NTN1: variants seen among roughly 807,000 people sequenced by gnomAD.
NTN1 encodes netrin 1.
In NTN1, 11 loss-of-function variants were observed where a neutral mutation model predicts 54.2. The observed-to-expected ratio is 0.20, with a 90% confidence interval of 0.13 to 0.34. The LOEUF is 0.34. Ranked by LOEUF, NTN1 falls within the 10% of genes least tolerant of loss-of-function variation. The pLI is 1.00. For synonymous variants in NTN1, 371 were observed against 382.0 expected (o/e 0.97, Z 0.33); for missense variants, 740 against 893.1 (o/e 0.83, Z 2.18).
At chr17:9,075,200 G>A (rs1037642215) in intron 2 of NTN1, among the ~76,000 whole-genome samples, 2 of 152,226 alleles carry the variant, frequency 1.3e-5, no homozygotes, top group African/African-American at 4.8e-5. Context: ...ATGGGGTTCA[G>A]CTGGGCACGG....
At chr17:9,143,102 G>A (rs529292612) in intron 2 of NTN1, among the ~76,000 whole-genome samples, 23 of 152,312 alleles carry the variant, frequency 1.5e-4, no homozygotes, top group Middle Eastern at 6.8e-3. Flanking sequence ...TGGGGAGACT[G>A]GTGGTCATGG....
At chr17:9,021,209 T>G (rs1022149501), upstream of NTN1, among the ~76,000 whole-genome samples, 1 of 149,082 alleles carries the variant, frequency 6.7e-6, no homozygotes, top group Non-Finnish European at 1.5e-5. Flanking sequence ...CGGGCGAGGC[T>G]GACAGTCCCC....
chr17:9,039,663 T>C (rs572480906), intron 2 of NTN1, among the ~76,000 whole-genome samples: 2 of 152,328 alleles, frequency 1.3e-5, no homozygotes, highest in South Asian at 4.1e-4. Context: ...TAATCCCTCC[T>C]GCCCCTTTCC....
chr17:9,106,734 C>A (rs1471489143), intron 2 of NTN1, among the ~76,000 whole-genome samples: 1 of 152,048 alleles, frequency 6.6e-6, no homozygotes, highest in Non-Finnish European at 1.5e-5. Context: ...AGGCTGGTCT[C>A]GAACTCCTGA....
At chr17:9,218,735 C>T (rs1455624290) in intron 5 of NTN1, among the ~76,000 whole-genome samples, 2 of 152,164 alleles carry the variant, frequency 1.3e-5, no homozygotes, top group African/African-American at 4.8e-5. Flanking sequence ...GTCCCTCCCT[C>T]AAAGCATCAG....
intron 2 of NTN1, among the ~76,000 whole-genome samples, chr17:9,025,304 T>G (rs2091866305): frequency 6.6e-6 from 1 of 152,240 alleles, no homozygotes; most frequent in South Asian, 2.1e-4. Flanking sequence ...CTCTATAGTT[T>G]GGGATTTTGT....
intron 2 of NTN1, among the ~76,000 whole-genome samples, chr17:9,025,589 A>G (rs936002173): frequency 2.0e-5 from 3 of 152,214 alleles, no homozygotes; most frequent in Non-Finnish European, 4.4e-5. Context: ...CAATTCAACT[A>G]TGTTAAAGTT....
chr17:9,067,326 T>G (rs1349924929), intron 2 of NTN1, among the ~76,000 whole-genome samples: 3 of 151,918 alleles, frequency 2.0e-5, no homozygotes, highest in African/African-American at 7.3e-5. Context: ...CTCCTAAGGC[T>G]ATTAAATACA....
chr17:9,159,568 G>A (rs1433805073), intron 2 of NTN1, among the ~76,000 whole-genome samples: 1 of 152,098 alleles, frequency 6.6e-6, no homozygotes. Context: ...TTGGGAGACC[G>A]AGGTGGGTGG....
At chr17:9,161,974 G>A (rs1223875104) in intron 2 of NTN1, among the ~76,000 whole-genome samples, 1 of 110,156 alleles carries the variant, frequency 9.1e-6, no homozygotes, top group Non-Finnish European at 2.1e-5. Context: ...TGGGAGCACA[G>A]AGATGATGAG....
At chr17:9,100,672 G>C (rs934940554) in intron 2 of NTN1, among the ~76,000 whole-genome samples, 26 of 152,172 alleles carry the variant, frequency 1.7e-4, no homozygotes, top group Non-Finnish European at 5.9e-5. Context: ...TCATCTTTTT[G>C]AGGATTGCTA....
At chr17:9,230,879 G>A (rs1021348773) in intron 6 of NTN1, among the ~76,000 whole-genome samples, 1 of 152,140 alleles carries the variant, frequency 6.6e-6, no homozygotes, top group East Asian at 1.9e-4. Flanking sequence ...AGGAAGGAGG[G>A]GTGGGGAGAG....
At chr17:9,106,480 CCTTCCTT>C (rs2092166925) in intron 2 of NTN1, among the ~76,000 whole-genome samples, 1 of 26,612 alleles carries the variant, frequency 3.8e-5, no homozygotes, top group Non-Finnish European at 6.9e-5. Context: ...TTCCTTCCTT[CCTTCCTT>C]CCTTCCTTCC....
At position 9,188,428 on chromosome 17, in the gene NTN1, C is replaced by CA. The variant is rs1406031857; in HGVS notation, c.1411+5474dup. ...GGGCAATAAGAGTAAAACTCCATCT[C>CA]AAAAAAAAAAAAAAAGAGTGCTAAA... On this transcript the variant is annotated intron_variant, in intron 5 of 6. Transcript: ENST00000173229. 5.2e-3 allele frequency among the ~76,000 whole-genome samples: 155 copies of CA among 29,772 alleles called. 5 individuals are homozygous for CA. Among genetic ancestry groups the CA allele is most frequent in the Middle Eastern group, 0.038 (2 of 52 alleles). The allele number at this position is 29,772 out of a possible 152,430, so 19.5% of individuals were successfully genotyped here. A position where few individuals can be genotyped will look rare whatever the true frequency, so the allele number is the denominator to read the frequency against.
intron 5 of NTN1, among the ~76,000 whole-genome samples, chr17:9,202,182 A>G (rs960872838): frequency 3.3e-5 from 5 of 151,378 alleles, no homozygotes; most frequent in Non-Finnish European, 5.9e-5. Flanking sequence ...CAGAGGTTGC[A>G]GTGATCTGAG....
the NTN1 span, among the ~76,000 whole-genome samples, chr17:9,007,170 T>G: frequency 6.6e-6 from 1 of 151,898 alleles, no homozygotes. Context: ...CTTTCTTTCC[T>G]TCCTTCTCTC....
At position 9,193,920 on chromosome 17, in the gene NTN1, T is replaced by TAAA. The variant is rs71361871; in HGVS notation, c.1411+10973_1411+10975dup. On this transcript the variant is annotated intron_variant, in intron 5 of 6. Transcript: ENST00000173229. ...TGGGCGACAAGAGTGAAACTCCGACTAAAAAAAAAAAAAAAAAAAAAAAAC... is the reference window on the plus strand; with the variant it reads ...TGGGCGACAAGAGTGAAACTCCGACTAAAAAAAAAAAAAAAAAAAAAAAAAAAC... 1.2e-3 allele frequency among the ~76,000 whole-genome samples: 52 copies of TAAA among 44,896 alleles called. 4 individuals are homozygous for TAAA. Among genetic ancestry groups the TAAA allele is most frequent in the African/African-American group, 5.2e-3 (48 of 9,230 alleles). 29.5% of individuals were successfully genotyped at this position (44,896 alleles called of 152,430 possible). A position where few individuals can be genotyped will look rare whatever the true frequency, so the allele number is the denominator to read the frequency against.
At position 9,071,463 on chromosome 17, in the gene NTN1, A is replaced by G. The variant is rs184109631; in HGVS notation, c.1018+48072A>G. Among the ~76,000 whole-genome samples the G allele has an allele frequency of 1.1e-4, 16 of 151,962 alleles. No individual in the cohort carries two copies. In the East Asian group the frequency reaches 2.5e-3, roughly 24 times the overall value. ...CTGTGTGACCTTTATCTTAAATGAC[A>G]TTTTTAAAATATGAAGTTTAAAAAT... On this transcript the variant is annotated intron_variant, in intron 2 of 6. Coordinates refer to ENST00000173229, the MANE Select transcript of NTN1 (RefSeq NM_004822.3).
At chr17:9,198,243 G>A (rs375885043) in intron 5 of NTN1, among the ~76,000 whole-genome samples, 36 of 152,176 alleles carry the variant, frequency 2.4e-4, no homozygotes, top group African/African-American at 7.0e-4. Context: ...CTGATCACGC[G>A]GGAGCTTGGG....
Sources: gnomAD v4.1 joint callset for allele counts (sites outside exome capture counted in the v4.1 genomes callset) on GRCh38, gnomAD v4.1.1 for gene constraint, MANE v1.5 for transcripts, NCBI Gene and HGNC (gene_info 2026-07-23, HGNC 2026-07-21) for gene names.